Variants in FANCD2 observed in about 807,000 individuals in gnomAD.
FANCD2 encodes the protein Fanconi anemia group D2 protein.
Under a neutral mutation model 192.3 loss-of-function variants are expected in FANCD2, and 131 were observed. That is an observed-to-expected ratio of 0.68 (90% CI 0.59 to 0.79). FANCD2 has a LOEUF of 0.79. Among genes scored for constraint, FANCD2 ranks in the 30% least tolerant of loss-of-function variants. FANCD2 has a pLI of 0.00. For missense variants in FANCD2, 1,508 were observed against 1,701.6 expected (o/e 0.89, Z 2.00); for synonymous variants, 524 against 612.5 (o/e 0.86, Z 2.13).
chr3:10,074,411 T>G (rs1693421723), intron 28 of FANCD2, 119 bp from the exon 29 acceptor site: 1 of 906,756 alleles, frequency 1.1e-6, no homozygotes. Context: ...GTTGTTATTA[T>G]AATGAAAATG....
chr3:10,070,086 A>G (rs1456526166), intron 26 of FANCD2, among the ~76,000 whole-genome samples: 1 of 141,702 alleles, frequency 7.1e-6, no homozygotes, highest in African/African-American at 2.7e-5. Context: ...CCCGTCTGGG[A>G]TGTGAGGAGC....
intron 30 of FANCD2, among the ~76,000 whole-genome samples, chr3:10,079,909 CT>C (rs1472295513): frequency 6.6e-6 from 1 of 151,484 alleles, no homozygotes; most frequent in Non-Finnish European, 1.5e-5. Flanking sequence ...ATTCATTTTT[CT>C]TCTTCGTCTT....
Position 10,034,307 on chromosome 3 carries a change from A to G in FANCD2, c.206-162A>G, listed in dbSNP as rs111392584. ...GCCACTGCACTCCAGCCTAGGCAACAGAACAAAACTCCATCTCAAAAAAAA... is the reference window on the plus strand; with the variant it reads ...GCCACTGCACTCCAGCCTAGGCAACGGAACAAAACTCCATCTCAAAAAAAA... On this transcript the variant is annotated intron_variant, in intron 3 of 43. Transcript: ENST00000675286. Among the ~76,000 whole-genome samples, 26,573 of 145,226 alleles carry G rather than the reference A, an allele frequency of 0.18. 2,951 individuals are homozygous for G. Among genetic ancestry groups the G allele is most frequent in the African/African-American group, 0.3 (11,326 of 38,120 alleles).
At position 10,032,820 on chromosome 3, in the gene FANCD2, T is replaced by G; in HGVS notation, c.65-12T>G. On this transcript the variant is annotated splice_polypyrimidine_tract_variant and intron_variant, in intron 2 of 43. Transcript: ENST00000675286. Reference sequence around the variant, plus strand: ...CTATTTGCCATATTCTTGAAAATTTTTCTATTTTCAGAAACCAGGAAGCAA... The same window carrying G: ...CTATTTGCCATATTCTTGAAAATTTGTCTATTTTCAGAAACCAGGAAGCAA... 1.2e-6 allele frequency: 2 copies of G among 1,608,838 alleles called. No individual in the cohort carries two copies. Among genetic ancestry groups the G allele is most frequent in the Non-Finnish European group, 1.7e-6 (2 of 1,176,334 alleles).
At chr3:10,086,279 T>G in intron 33 of FANCD2, among the ~76,000 whole-genome samples, 1 of 152,210 alleles carries the variant, frequency 6.6e-6, no homozygotes, top group East Asian at 1.9e-4. Context: ...TGATAGCCTG[T>G]TTCTTTCCCC....
chr3:10,034,109 G>A (rs962396080), intron 3 of FANCD2, among the ~76,000 whole-genome samples: 6 of 150,280 alleles, frequency 4.0e-5, no homozygotes, highest in Non-Finnish European at 5.9e-5. Context: ...GGATCACGAG[G>A]TCAGGAAATC....
intron 25 of FANCD2, among the ~76,000 whole-genome samples, chr3:10,066,727 T>G (rs1278421631): frequency 6.6e-6 from 1 of 152,140 alleles, no homozygotes; most frequent in Non-Finnish European, 1.5e-5. Context: ...TAATCTCCTT[T>G]GTTTTTTGTT....
chr3:10,035,257 A>G (rs1349217982), intron 6 of FANCD2, 24 bp downstream of exon 6: 1 of 1,600,054 alleles, frequency 6.2e-7, no homozygotes. Context: ...TTTTTCTGTG[A>G]ACATTTGATG....
chr3:10,033,594 G>A (rs2086653819), intron 3 of FANCD2, among the ~76,000 whole-genome samples: 1 of 151,034 alleles, frequency 6.6e-6, no homozygotes, highest in East Asian at 1.9e-4. Context: ...AATTTATAAA[G>A]CCATATAAGA....
chr3:10,095,829 G>A (rs1694919032), intron 41 of FANCD2, among the ~76,000 whole-genome samples: 1 of 150,512 alleles, frequency 6.6e-6, no homozygotes, highest in African/African-American at 2.4e-5. Flanking sequence ...TCCAGTTTCT[G>A]TTACTTACTT....
intron 41 of FANCD2, among the ~76,000 whole-genome samples, chr3:10,095,967 C>T (rs1391634726): frequency 2.0e-5 from 3 of 150,034 alleles, no homozygotes; most frequent in Admixed American, 6.7e-5. Context: ...CTGCAAGTTC[C>T]GCCTCCCGGC....
rs370641659 is a variant in FANCD2, at chr3:10,043,128, T to G, written c.967T>G (p.Leu323Val). The change falls in exon 12 of 44, where the codon TTG (leucine) becomes GTG (valine). Residue 323 changes from leucine (L) to valine (V), a missense_variant. By Grantham distance (32) the Leu-to-Val change is conservative. Coordinates refer to ENST00000675286, the MANE Select transcript of FANCD2 (RefSeq NM_001018115.3). ...PSRLQASQVK[L>V]KSKGRASSSG... ...ACGGTTACAGGCTTCCCAAGTAAAG[T>G]TGAAAAGTAAAGGACGAGCAAGGTA... 3.1e-6 allele frequency: 5 copies of G among 1,614,078 alleles called. No homozygotes were observed. In the South Asian group the frequency reaches 5.5e-5, roughly 18 times the overall value.
chr3:10,068,966 A>G (rs2087794607), intron 26 of FANCD2, among the ~76,000 whole-genome samples: 3 of 152,192 alleles, frequency 2.0e-5, no homozygotes, highest in South Asian at 2.1e-4. Flanking sequence ...CTAGACCCCT[A>G]TCTCTTGCCA....
At chr3:10,054,115 G>C (rs985267648) in intron 18 of FANCD2, among the ~76,000 whole-genome samples, 2 of 151,714 alleles carry the variant, frequency 1.3e-5, no homozygotes, top group Non-Finnish European at 2.9e-5. Flanking sequence ...AGGAGGCGGA[G>C]GTGGGAGGAT....
At chr3:10,085,681 C>T (rs1047389873) in intron 32 of FANCD2, 131 bp from the exon 33 acceptor site, 26 of 729,466 alleles carry the variant, frequency 3.6e-5, no homozygotes, top group East Asian at 2.6e-4. Context: ...TGAGCCACCA[C>T]GCCCGACCTC....
In FANCD2 at chr3:10,035,246, C is replaced by G; in HGVS notation, c.438+13C>G. On this transcript the variant is annotated intron_variant, in intron 6 of 43. Transcript: ENST00000675286. ...TGACATACTGCAGGTAAGACTGTCA[C>G]TTTTTCTGTGAACATTTGATGGAAG... The G allele has an allele frequency of 2.5e-6, 4 of 1,610,288 alleles. No homozygotes were observed. Among genetic ancestry groups the G allele is most frequent in the Non-Finnish European group, 3.4e-6 (4 of 1,176,694 alleles).
Position 10,067,194 on chromosome 3 carries a change from A to G in FANCD2, c.2386-15A>G, listed in dbSNP as rs542904509. 3.3e-6 allele frequency: 5 copies of G among 1,505,930 alleles called. No homozygotes were observed. Among genetic ancestry groups the G allele is most frequent in the Non-Finnish European group, 4.6e-6 (5 of 1,082,654 alleles). The allele number at this position is 1,505,930 out of a possible 1,614,324, so 93.3% of individuals were successfully genotyped here. On this transcript the variant is annotated splice_polypyrimidine_tract_variant and intron_variant, in intron 25 of 43. Transcript: ENST00000675286. ...GAACATTTGGAAGTATGAGAATGTA[A>G]TTTGTACTTTGCAGATTGTAAATGC... is the stretch of plus-strand genomic sequence containing the variant.
intron 40 of FANCD2, among the ~76,000 whole-genome samples, chr3:10,094,654 G>A (rs937429079): frequency 6.6e-6 from 1 of 151,626 alleles, no homozygotes; most frequent in Non-Finnish European, 1.5e-5. Context: ...GTATCAGTGT[G>A]TCATTTGCTT....
chr3:10,031,333 C>T (rs2086591701), intron 2 of FANCD2, among the ~76,000 whole-genome samples: 1 of 152,050 alleles, frequency 6.6e-6, no homozygotes. Context: ...GAAACCCCGT[C>T]TCTACTAAAA....
Sources: gnomAD v4.1 joint callset for allele counts (sites outside exome capture counted in the v4.1 genomes callset) on GRCh38, gnomAD v4.1.1 for gene constraint, MANE v1.5 for transcripts, NCBI Gene and HGNC (gene_info 2026-07-23, HGNC 2026-07-21) for gene names.